Variants in FBXL7 observed in about 807,000 individuals in gnomAD.
The protein encoded by FBXL7 is F-box/LRR-repeat protein 7.
In FBXL7, 12 loss-of-function variants were observed where a neutral mutation model predicts 38.3. That is an observed-to-expected ratio of 0.31 (90% CI 0.20 to 0.51). FBXL7 has a LOEUF of 0.51. Ranked by LOEUF, FBXL7 falls within the 20% of genes least tolerant of loss-of-function variation. The pLI is 0.98. For missense variants in FBXL7, 567 were observed against 676.4 expected, an observed-to-expected ratio of 0.84 and a Z score of 1.79; for synonymous variants, 297 against 300.9, an observed-to-expected ratio of 0.99 and a Z score of 0.13.
intron 1 of FBXL7, among the ~76,000 whole-genome samples, chr5:15,597,072 A>C (rs1739644960): frequency 5.9e-5 from 9 of 152,186 alleles, no homozygotes. Flanking sequence ...ATTGGCATCT[A>C]AAGTGGGGGC....
intron 2 of FBXL7, among the ~76,000 whole-genome samples, chr5:15,648,654 C>CTT: frequency 6.6e-6 from 1 of 152,198 alleles, no homozygotes; most frequent in East Asian, 1.9e-4. Context: ...TCTCTGTTAC[C>CTT]AGCTTCCCAT....
chr5:15,543,442 G>A (rs1056344632), intron 1 of FBXL7, among the ~76,000 whole-genome samples: 1 of 152,168 alleles, frequency 6.6e-6, no homozygotes, highest in Non-Finnish European at 1.5e-5. Context: ...TGAGATTTGG[G>A]TGAGATTTTG....
chr5:15,541,851 C>T (rs1306914508), intron 1 of FBXL7, among the ~76,000 whole-genome samples: 1 of 151,880 alleles, frequency 6.6e-6, no homozygotes, highest in Non-Finnish European at 1.5e-5. Flanking sequence ...GGCTCCCACT[C>T]ACCTGTCTTG....
chr5:15,801,679 TTGTGTG>T (rs765733185), intron 2 of FBXL7, among the ~76,000 whole-genome samples: 1 of 141,206 alleles, frequency 7.1e-6, no homozygotes, highest in African/African-American at 2.6e-5. Context: ...GTGTGTGTGT[TTGTGTG>T]TGTGTGTGTG....
intron 2 of FBXL7, among the ~76,000 whole-genome samples, chr5:15,768,378 A>C (rs1736644832): frequency 6.6e-6 from 1 of 152,062 alleles, no homozygotes; most frequent in Non-Finnish European, 1.5e-5. Context: ...GAAAATACAA[A>C]AAATTAGCCT....
chr5:15,612,277 T>A (rs1214529211), intron 1 of FBXL7, among the ~76,000 whole-genome samples: 1 of 152,126 alleles, frequency 6.6e-6, no homozygotes, highest in East Asian at 1.9e-4. Flanking sequence ...AGAAAATGAT[T>A]GAGAAATACT....
At chr5:15,662,051 A>G (rs1742097664) in intron 2 of FBXL7, among the ~76,000 whole-genome samples, 1 of 152,192 alleles carries the variant, frequency 6.6e-6, no homozygotes, top group Admixed American at 6.6e-5. Flanking sequence ...CAAAGCCAGT[A>G]AAGGGATTGC....
intron 2 of FBXL7, among the ~76,000 whole-genome samples, chr5:15,764,570 C>G (rs908726756): frequency 6.6e-6 from 1 of 152,142 alleles, no homozygotes; most frequent in Non-Finnish European, 1.5e-5. Context: ...TCAGAAACTC[C>G]GAGGGGGGCT....
chr5:15,742,731 G>T (rs181738916), intron 2 of FBXL7, among the ~76,000 whole-genome samples: 1 of 152,168 alleles, frequency 6.6e-6, no homozygotes, highest in South Asian at 2.1e-4. Context: ...ATAAAGTTTT[G>T]TATTAGTCCA....
At chr5:15,610,558 C>T (rs1355035458) in intron 1 of FBXL7, among the ~76,000 whole-genome samples, 3 of 152,144 alleles carry the variant, frequency 2.0e-5, no homozygotes, top group Non-Finnish European at 4.4e-5. Context: ...CCTCTGAATT[C>T]CTTCTGTAAC....
chr5:15,644,945 CT>C (rs1174076436), intron 2 of FBXL7, among the ~76,000 whole-genome samples: 1 of 152,136 alleles, frequency 6.6e-6, no homozygotes, highest in Non-Finnish European at 1.5e-5. Context: ...TGCAGCACCC[CT>C]GGGACTTTAT....
intron 3 of FBXL7, among the ~76,000 whole-genome samples, chr5:15,931,134 T>C (rs1742027195): frequency 6.6e-6 from 1 of 152,236 alleles, no homozygotes; most frequent in Admixed American, 6.5e-5. Flanking sequence ...ACAACTGTAT[T>C]GTTTTGTCAT....
chr5:15,563,942 T>C (rs1738487978), intron 1 of FBXL7, among the ~76,000 whole-genome samples: 1 of 152,088 alleles, frequency 6.6e-6, no homozygotes, highest in Non-Finnish European at 1.5e-5. Context: ...TCACTTTGTG[T>C]ATGAGTGTCT....
rs541009614 is a variant in FBXL7, at chr5:15,567,449, A to G, written c.38-48534A>G. Among the ~76,000 whole-genome samples, 7 of 152,204 alleles carry G rather than the reference A, an allele frequency of 4.6e-5. No homozygotes were observed. The East Asian group carries it at 1.4e-3, about 29-fold the overall frequency. Reference sequence around the variant, plus strand: ...TTTCTCTCCCTTTATTCTTCTTCACAGTGAAACAGTGTGAGTTGAATTAAT... The same window carrying G: ...TTTCTCTCCCTTTATTCTTCTTCACGGTGAAACAGTGTGAGTTGAATTAAT... On this transcript the variant is annotated intron_variant, in intron 1 of 3. Coordinates refer to ENST00000504595, the MANE Select transcript of FBXL7 (RefSeq NM_012304.5).
chr5:15,894,565 GA>G (rs1307456338), intron 2 of FBXL7, among the ~76,000 whole-genome samples: 1 of 152,172 alleles, frequency 6.6e-6, no homozygotes, highest in Non-Finnish European at 1.5e-5. Flanking sequence ...CTTTACATAT[GA>G]AATTGTATTT....
At chr5:15,817,822 A>G (rs1276976874) in intron 2 of FBXL7, among the ~76,000 whole-genome samples, 1 of 152,168 alleles carries the variant, frequency 6.6e-6, no homozygotes, top group Admixed American at 6.5e-5. Flanking sequence ...CAGATTACCC[A>G]GTCTCAGGTG....
chr5:15,521,558 G>A (rs1361642197), intron 1 of FBXL7, among the ~76,000 whole-genome samples: 2 of 152,128 alleles, frequency 1.3e-5, no homozygotes, highest in African/African-American at 4.8e-5. Flanking sequence ...GTGTATTTGG[G>A]CGGTGGTTAT....
intron 2 of FBXL7, among the ~76,000 whole-genome samples, chr5:15,833,290 C>T (rs574707700): frequency 3.6e-4 from 55 of 152,156 alleles, no homozygotes; most frequent in Non-Finnish European, 7.6e-4. Context: ...TTGCTGTGTC[C>T]TCACATGGTG....
At chr5:15,934,881 C>A (rs562691954) in intron 3 of FBXL7, among the ~76,000 whole-genome samples, 1 of 152,302 alleles carries the variant, frequency 6.6e-6, no homozygotes, top group Non-Finnish European at 1.5e-5. Flanking sequence ...TCAAAACTTA[C>A]ATTCCAGAGT....
Sources: gnomAD v4.1 joint callset for allele counts (sites outside exome capture counted in the v4.1 genomes callset) on GRCh38, gnomAD v4.1.1 for gene constraint, MANE v1.5 for transcripts, NCBI Gene and HGNC (gene_info 2026-07-23, HGNC 2026-07-21) for gene names.